The following PHF20 variants were observed in gnomAD, a reference collection of about 807,000 sequenced individuals.
PHF20 encodes the protein glioma-expressed antigen 2.
Under a neutral mutation model 113.5 loss-of-function variants are expected in PHF20, and 23 were observed. The ratio of observed to expected loss-of-function variants is 0.20; its 90% confidence interval spans 0.15 to 0.29. The LOEUF is 0.29. PHF20 is among the 10% of genes least tolerant of loss of function. The pLI is 1.00. For synonymous variants in PHF20, 434 were observed against 457.3 expected (o/e 0.95, Z 0.65); for missense variants, 943 against 1,219.6 (o/e 0.77, Z 3.38).
intron 1 of PHF20, among the ~76,000 whole-genome samples, chr20:35,799,518 G>GT (rs1325944911): frequency 6.6e-6 from 1 of 151,914 alleles, no homozygotes; most frequent in Non-Finnish European, 1.5e-5. Context: ...TTAGGCTGGG[G>GT]TAAGTCTGCT....
chr20:35,925,380 A>T (rs2055607697), intron 13 of PHF20, among the ~76,000 whole-genome samples: 1 of 151,168 alleles, frequency 6.6e-6, no homozygotes, highest in African/African-American at 2.4e-5. Context: ...AACCTGCTTC[A>T]GCCTCCCAAG....
intron 13 of PHF20, among the ~76,000 whole-genome samples, chr20:35,918,064 G>T (rs1474435544): frequency 1.3e-5 from 2 of 152,118 alleles, no homozygotes; most frequent in Non-Finnish European, 2.9e-5. Flanking sequence ...AGTCATGCAG[G>T]CTGGCTTTAT....
intron 15 of PHF20, among the ~76,000 whole-genome samples, chr20:35,935,286 T>G (rs1457613045): frequency 6.6e-6 from 1 of 152,184 alleles, no homozygotes; most frequent in Admixed American, 6.5e-5. Context: ...CATTTGAGGG[T>G]TCTGTCAGAT....
chr20:35,801,589 G>A lies in PHF20; in HGVS notation c.67G>A (p.Asp23Asn). ...AGTGGGAGCCCAGTTGGAAGCCCGGGACCGTTTAAAAAACTGGTACTTTTA... is the reference window on the plus strand; with the variant it reads ...AGTGGGAGCCCAGTTGGAAGCCCGGAACCGTTTAAAAAACTGGTACTTTTA... The part of the protein sequence containing the change: ...FEVGAQLEAR[D>N]RLKNWYPAHI... The change falls in exon 2 of 18, where the codon GAC becomes AAC. Residue 23 changes from aspartate to asparagine, a missense_variant. Transcript: ENST00000374012. The A allele has an allele frequency of 6.2e-7, 1 of 1,612,300 alleles. No homozygotes were observed. The highest frequency in any genetic ancestry group is 8.5e-7 in the Non-Finnish European group (1 of 1,178,592).
chr20:35,919,086 G>A (rs1222274547), intron 13 of PHF20, among the ~76,000 whole-genome samples: 1 of 151,982 alleles, frequency 6.6e-6, no homozygotes, highest in Non-Finnish European at 1.5e-5. Flanking sequence ...CGCGATTTCG[G>A]CTCACCACCA....
chr20:35,871,398 T>C (rs1206147919), intron 8 of PHF20, among the ~76,000 whole-genome samples: 2 of 152,162 alleles, frequency 1.3e-5, no homozygotes, highest in African/African-American at 4.8e-5. Context: ...GCCCTGCTTC[T>C]CTCTCTCTGC....
At chr20:35,777,033 G>T (rs951782881) in intron 1 of PHF20, among the ~76,000 whole-genome samples, 6 of 152,164 alleles carry the variant, frequency 3.9e-5, no homozygotes, top group African/African-American at 1.4e-4. Context: ...AGCTGAGGCA[G>T]CCAGCTTGTT....
At chr20:35,846,245 T>C (rs1568644672) in intron 3 of PHF20, among the ~76,000 whole-genome samples, 1 of 151,782 alleles carries the variant, frequency 6.6e-6, no homozygotes, top group Non-Finnish European at 1.5e-5. Flanking sequence ...AATGGCGCAA[T>C]CTCGGCTCAC....
chr20:35,866,183 T>C (rs1013212021), intron 6 of PHF20, among the ~76,000 whole-genome samples: 8 of 152,074 alleles, frequency 5.3e-5, no homozygotes, highest in African/African-American at 1.7e-4. Flanking sequence ...GCTCTCCAGC[T>C]TGGGTGACAG....
intron 17 of PHF20, among the ~76,000 whole-genome samples, chr20:35,941,668 T>C (rs2147132353): frequency 6.6e-6 from 1 of 152,330 alleles, no homozygotes; most frequent in Admixed American, 6.5e-5. Context: ...GTTTTCATGT[T>C]GAAAATGGAG....
intron 2 of PHF20, among the ~76,000 whole-genome samples, chr20:35,817,153 T>A (rs1358023677): frequency 2.6e-5 from 4 of 151,890 alleles, no homozygotes; most frequent in Admixed American, 1.3e-4. Context: ...CTTTTTTTTT[T>A]AAATACTCCT....
chr20:35,836,498 C>T (rs886673995), intron 2 of PHF20, among the ~76,000 whole-genome samples: 2 of 152,110 alleles, frequency 1.3e-5, no homozygotes, highest in African/African-American at 4.8e-5. Context: ...CATAGCAGCA[C>T]ATAAACATAA....
intron 14 of PHF20, among the ~76,000 whole-genome samples, chr20:35,928,959 AG>A (rs1193109512): frequency 3.3e-5 from 5 of 152,138 alleles, no homozygotes; most frequent in African/African-American, 9.7e-5. Context: ...CCTTTCTAGA[AG>A]GGGTGGATTG....
intron 4 of PHF20, among the ~76,000 whole-genome samples, chr20:35,857,743 G>A (rs1184765586): frequency 1.3e-5 from 2 of 151,730 alleles, no homozygotes; most frequent in African/African-American, 2.4e-5. Flanking sequence ...CTGCCACCAA[G>A]CGCGGCTAAT....
intron 9 of PHF20, among the ~76,000 whole-genome samples, chr20:35,896,080 G>GGT (rs1179770391): frequency 2.2e-5 from 3 of 135,590 alleles, no homozygotes; most frequent in African/African-American, 9.2e-5. Context: ...TATGCTTTGG[G>GGT]ATGTGTGTGT....
intron 2 of PHF20, among the ~76,000 whole-genome samples, chr20:35,820,368 G>A (rs1311809900): frequency 6.6e-6 from 1 of 152,012 alleles, no homozygotes; most frequent in East Asian, 1.9e-4. Flanking sequence ...CAGTGGAGGT[G>A]GATAGAACAG....
At chr20:35,920,579 C>T (rs1387005052) in intron 13 of PHF20, among the ~76,000 whole-genome samples, 1 of 152,196 alleles carries the variant, frequency 6.6e-6, no homozygotes, top group Admixed American at 6.5e-5. Flanking sequence ...GAACCCAGGG[C>T]ACCCAGTCAA....
At chr20:35,796,041 G>T (rs993780035) in intron 1 of PHF20, among the ~76,000 whole-genome samples, 1 of 151,970 alleles carries the variant, frequency 6.6e-6, no homozygotes, top group Admixed American at 6.6e-5. Context: ...TAGTGGAGAC[G>T]GGGTTTCACT....
intron 4 of PHF20, among the ~76,000 whole-genome samples, chr20:35,854,326 A>G (rs1327219365): frequency 6.6e-6 from 1 of 152,212 alleles, no homozygotes; most frequent in Non-Finnish European, 1.5e-5. Context: ...TCTAAGGACA[A>G]AAACTCCTTG....
Sources: gnomAD v4.1 joint callset for allele counts (sites outside exome capture counted in the v4.1 genomes callset) on GRCh38, gnomAD v4.1.1 for gene constraint, MANE v1.5 for transcripts, NCBI Gene and HGNC (gene_info 2026-07-23, HGNC 2026-07-21) for gene names.